TSHZ3: variants seen among roughly 807,000 people sequenced by gnomAD.
The protein encoded by TSHZ3 is teashirt homolog 3.
TSHZ3 carries 10 observed loss-of-function variants against 64.5 expected under a neutral mutation model. The ratio of observed to expected loss-of-function variants is 0.16; its 90% CI spans 0.10 to 0.26. TSHZ3 has a LOEUF of 0.26. Among genes scored for constraint, TSHZ3 ranks in the 10% least tolerant of loss-of-function variants. The pLI, the probability that TSHZ3 is intolerant of heterozygous loss-of-function variation, is 1.00. For synonymous variants in TSHZ3, 608 were observed against 593.1 expected, an observed-to-expected ratio of 1.03 and a Z score of -0.36; for missense variants, 1,242 against 1,421.7, an observed-to-expected ratio of 0.87 and a Z score of 2.03.
At chr19:31,295,811 G>C (rs1028573425) in intron 1 of TSHZ3, among the ~76,000 whole-genome samples, 2 of 151,186 alleles carry the variant, frequency 1.3e-5, no homozygotes, top group East Asian at 1.9e-4. Context: ...AGGGGGTACA[G>C]GTACAGGTTT....
chr19:31,169,668 T>A (rs1037246657), intron 5 of TSHZ3, among the ~76,000 whole-genome samples: 3 of 152,130 alleles, frequency 2.0e-5, no homozygotes, highest in Non-Finnish European at 1.5e-5. Flanking sequence ...GGTTTGTGTC[T>A]GGTCCTGGAG....
At chr19:31,249,874 T>C (rs1281776259) in intron 1 of TSHZ3, among the ~76,000 whole-genome samples, 3 of 152,326 alleles carry the variant, frequency 2.0e-5, no homozygotes, top group East Asian at 3.9e-4. Flanking sequence ...ACATGCAGCG[T>C]CCTGGAAGAC....
chr19:31,250,999 T>C (rs1438396537), intron 1 of TSHZ3, among the ~76,000 whole-genome samples: 2 of 152,046 alleles, frequency 1.3e-5, no homozygotes, highest in Non-Finnish European at 2.9e-5. Flanking sequence ...CACCCACCTT[T>C]CCACTGGGAA....
chr19:31,350,221 C>T (rs1319644064), upstream of TSHZ3, among the ~76,000 whole-genome samples: 1 of 150,478 alleles, frequency 6.6e-6, no homozygotes, highest in Non-Finnish European at 1.5e-5. Flanking sequence ...GAGGCGGGCG[C>T]GGGCCGGGGC....
At chr19:31,202,874 A>C (rs1414742873) in intron 5 of TSHZ3, among the ~76,000 whole-genome samples, 2 of 152,210 alleles carry the variant, frequency 1.3e-5, no homozygotes, top group African/African-American at 4.8e-5. Context: ...GCAACAACTG[A>C]AACACTGTTT....
chr19:31,165,340 T>C (rs1413045974), intron 5 of TSHZ3, among the ~76,000 whole-genome samples: 2 of 152,248 alleles, frequency 1.3e-5, no homozygotes, highest in Non-Finnish European at 2.9e-5. Context: ...CACCTTGGTG[T>C]GTAGGATTTT....
At chr19:31,312,172 C>G (rs1916476513) in intron 1 of TSHZ3, among the ~76,000 whole-genome samples, 1 of 152,210 alleles carries the variant, frequency 6.6e-6, no homozygotes, top group African/African-American at 2.4e-5. Flanking sequence ...GCAGGCTGCT[C>G]TGTGCTGTGC....
At chr19:31,291,337 T>G (rs1976561480) in intron 1 of TSHZ3, among the ~76,000 whole-genome samples, 1 of 152,206 alleles carries the variant, frequency 6.6e-6, no homozygotes, top group African/African-American at 2.4e-5. Context: ...TTTGAATTCT[T>G]GCTGCAATGA....
At chr19:31,186,347 G>C (rs1974810006) in intron 5 of TSHZ3, among the ~76,000 whole-genome samples, 1 of 152,148 alleles carries the variant, frequency 6.6e-6, no homozygotes, top group Non-Finnish European at 1.5e-5. Flanking sequence ...ATAGAATCAT[G>C]GGGGGCGGTT....
At chr19:31,152,110 A>G (rs1974248212) in intron 6 of TSHZ3, among the ~76,000 whole-genome samples, 1 of 152,098 alleles carries the variant, frequency 6.6e-6, no homozygotes, top group South Asian at 2.1e-4. Context: ...AGTTCTACAG[A>G]TGAAGAATTC....
rs1471048900 is a variant in TSHZ3 at position 31,207,814 on chromosome 19, T to C, written n.687-2736A>G. Among the ~76,000 whole-genome samples, 3 of 152,166 alleles carry C rather than the reference T, an allele frequency of 2.0e-5. No individual in the cohort carries two copies. In the East Asian group the frequency reaches 5.8e-4, roughly 29 times the overall value. ...CACTTATTCATGCTAAACAGTAGTT[T>C]AGTGCAGTGGTGGAGAAAAGAATCC... On this transcript the variant is annotated intron_variant and non_coding_transcript_variant, in intron 4 of 6. Coordinates refer to the TSHZ3 transcript ENST00000651361.
At chr19:31,288,106 G>A (rs1568370154) in intron 1 of TSHZ3, among the ~76,000 whole-genome samples, 1 of 151,886 alleles carries the variant, frequency 6.6e-6, no homozygotes, top group Non-Finnish European at 1.5e-5. Flanking sequence ...GGATAAGAGT[G>A]CTTTATTGTT....
chr19:31,222,011 C>T (rs907181110), intron 4 of TSHZ3, among the ~76,000 whole-genome samples: 5 of 152,086 alleles, frequency 3.3e-5, no homozygotes, highest in Non-Finnish European at 7.4e-5. Context: ...GCTCATGGTC[C>T]CCTGACAGTG....
intron 5 of TSHZ3, among the ~76,000 whole-genome samples, chr19:31,157,142 G>C (rs1402429530): frequency 1.3e-5 from 2 of 152,150 alleles, no homozygotes; most frequent in Non-Finnish European, 2.9e-5. Context: ...CTCTTTGGCA[G>C]GTGGGTGCAC....
intron 1 of TSHZ3, among the ~76,000 whole-genome samples, chr19:31,255,601 A>C (rs1975898979): frequency 6.6e-6 from 1 of 152,076 alleles, no homozygotes; most frequent in Non-Finnish European, 1.5e-5. Context: ...CTGTCACTAC[A>C]GCTGCTCCCC....
chr19:31,349,047 A>G, intron 1 of TSHZ3, 133 bp downstream of exon 1: 19 of 1,177,640 alleles, frequency 1.6e-5, no homozygotes, highest in East Asian at 3.0e-5. Context: ...GCACCCAAAC[A>G]GGAGAGCGGC....
chr19:31,227,599 G>A (rs571438935), intron 4 of TSHZ3, among the ~76,000 whole-genome samples: 1 of 152,266 alleles, frequency 6.6e-6, no homozygotes, highest in East Asian at 1.9e-4. Context: ...GAAGAAGAGA[G>A]AGATCCCTAA....
In TSHZ3 at chr19:31,279,597, C is replaced by A. The variant is rs754690102; in HGVS notation, c.196G>T (p.Glu66Ter). 1 of 1,611,862 alleles carries A rather than the reference C, an allele frequency of 6.2e-7. No individual in the cohort carries two copies. Among genetic ancestry groups the A allele is most frequent in the Non-Finnish European group, 8.5e-7 (1 of 1,178,604 alleles). Residue 66 changes from glutamate (E) to a stop codon, truncating the protein, a stop_gained, in exon 2 of 2, where the codon GAG becomes TAG. Transcript: ENST00000240587. LOFTEE classifies it high-confidence loss of function. This position sits in a 1 kb window ranked among gnomAD's most constrained non-coding sequence, Gnocchi z 6.4. ...CPSYQNSPAAEFSCHEMDSES... is the reference protein window; with the variant it reads ...CPSYQNSPAA Reference sequence around the variant, plus strand: ...CTGTCCATTTCATGGCAGGAAAACTCGGCGGCCGGGGAGTTCTGGTAGCTG... The same window carrying A: ...CTGTCCATTTCATGGCAGGAAAACTAGGCGGCCGGGGAGTTCTGGTAGCTG...
At chr19:31,303,328 T>C (rs181721494) in intron 1 of TSHZ3, among the ~76,000 whole-genome samples, 1 of 152,264 alleles carries the variant, frequency 6.6e-6, no homozygotes, top group East Asian at 1.9e-4. Flanking sequence ...TACGCCCGGG[T>C]CTGCACTGCG....
Sources: allele counts gnomAD v4.1 joint callset (sites outside exome capture counted in the v4.1 genomes callset), GRCh38; gene constraint gnomAD v4.1.1; non-coding constraint Gnocchi (gnomAD v3.1); transcripts MANE v1.5; gene names NCBI Gene and HGNC (gene_info 2026-07-23, HGNC 2026-07-21).